GNG2: variants seen among roughly 807,000 people sequenced by gnomAD.
GNG2 encodes G protein subunit gamma 2, also known as guanine nucleotide-binding protein G(I)/G(S)/G(O) subunit gamma-2.
GNG2 carries 5 observed loss-of-function variants against 5.5 expected under a neutral mutation model. The observed-to-expected ratio is 0.91, with a 90% confidence interval of 0.48 to 1.92. The LOEUF (loss-of-function observed/expected upper bound fraction) is 1.92. Ranked by LOEUF, GNG2 falls within the 30% of genes most tolerant of loss-of-function variation. The pLI, the probability that GNG2 is intolerant of heterozygous loss-of-function variation, is 0.01. For synonymous variants in GNG2, 28 were observed against 32.0 expected, an observed-to-expected ratio of 0.88 and a Z score of 0.42; for missense variants, 55 against 88.4, an observed-to-expected ratio of 0.62 and a Z score of 1.52.
intron 2 of GNG2, among the ~76,000 whole-genome samples, chr14:51,929,198 G>A: frequency 6.6e-6 from 1 of 152,190 alleles, no homozygotes; most frequent in East Asian, 1.9e-4. Context: ...AGTCACCTCA[G>A]TTAAAGGGCC....
intron 2 of GNG2, among the ~76,000 whole-genome samples, chr14:51,839,147 C>T (rs750451933): frequency 2.0e-5 from 3 of 152,152 alleles, no homozygotes; most frequent in Non-Finnish European, 4.4e-5. Context: ...TAAGAACACA[C>T]CTGTGACACA....
At chr14:51,875,646 G>A (rs918252799) in intron 1 of GNG2, among the ~76,000 whole-genome samples, 2 of 151,062 alleles carry the variant, frequency 1.3e-5, no homozygotes, top group African/African-American at 4.9e-5. Context: ...CTTATATTAT[G>A]TATATAATAC....
intron 2 of GNG2, among the ~76,000 whole-genome samples, chr14:51,882,125 A>G (rs1884118890): frequency 6.6e-6 from 1 of 152,210 alleles, no homozygotes; most frequent in African/African-American, 2.4e-5. Flanking sequence ...AAGGATCAAA[A>G]TAACTACTTA....
In GNG2 at chr14:51,921,306, G is replaced by A. The variant is rs575079260; in HGVS notation, c.-29-29344G>A. Among the ~76,000 whole-genome samples the A allele has an allele frequency of 2.6e-5, 4 of 152,266 alleles. No individual in the cohort carries two copies. The East Asian group carries it at 7.7e-4, about 29-fold the overall frequency. On this transcript the variant is annotated intron_variant, in intron 2 of 3. Transcript: ENST00000556766. Reference sequence around the variant, plus strand: ...GTGAATTAATCTAGTAAAGTACTTAGGGCCTGCATTATGGTATGTAAGAAG... The same window carrying A: ...GTGAATTAATCTAGTAAAGTACTTAAGGCCTGCATTATGGTATGTAAGAAG...
intron 2 of GNG2, among the ~76,000 whole-genome samples, chr14:51,932,775 A>G (rs35238426): frequency 0.34 from 52,147 of 152,016 alleles, 10,713 homozygotes; most frequent in Non-Finnish European, 0.46. Context: ...ATAAATCTCT[A>G]AAGTATCGGG....
In GNG2 at chr14:51,921,209, C is replaced by G. The variant is rs181560886; in HGVS notation, c.-29-29441C>G. ...TGACTAAGTACATTTCTTAACTTCT[C>G]TGTGCCTCCCGTTCCAAAACTGTAA... is the stretch of plus-strand genomic sequence containing the variant. On this transcript the variant is annotated intron_variant, in intron 2 of 3. Coordinates refer to ENST00000556766, the MANE Select transcript of GNG2 (RefSeq NM_053064.5). Among the ~76,000 whole-genome samples, 1,032 of 152,310 alleles carry G rather than the reference C, an allele frequency of 6.8e-3. 18 individuals carry two copies. The highest frequency in any genetic ancestry group is 0.024 in the African/African-American group (981 of 41,572).
Position 51,873,189 on chromosome 14 carries a change from C to T in GNG2, c.-70-4428C>T, listed in dbSNP as rs117673507. 2.3e-3 allele frequency among the ~76,000 whole-genome samples: 343 copies of T among 152,230 alleles called. 1 individual carries two copies. The highest frequency in any genetic ancestry group is 0.014 in the Middle Eastern group (4 of 294). On this transcript the variant is annotated intron_variant, in intron 1 of 3. Coordinates refer to ENST00000556766, the MANE Select transcript of GNG2 (RefSeq NM_053064.5). ...TTTGATGAGTCTCTCTTCATCACAC[C>T]AGTTATGATACTAGGCACAAGATAT...
At chr14:51,898,711 C>A (rs1227583217) in intron 2 of GNG2, among the ~76,000 whole-genome samples, 1 of 152,246 alleles carries the variant, frequency 6.6e-6, no homozygotes, top group African/African-American at 2.4e-5. Context: ...AACGTTCCAA[C>A]CTCTGAGATG....
chr14:51,899,297 C>G (rs1476688239), intron 2 of GNG2, among the ~76,000 whole-genome samples: 1 of 152,196 alleles, frequency 6.6e-6, no homozygotes, highest in African/African-American at 2.4e-5. Context: ...ACTGATGCCA[C>G]AGTCTCTGAG....
chr14:51,837,062 T>C (rs1277677654), intron 2 of GNG2, among the ~76,000 whole-genome samples: 1 of 151,982 alleles, frequency 6.6e-6, no homozygotes, highest in Non-Finnish European at 1.5e-5. Context: ...CTTCACCATG[T>C]TGGCCAGGCT....
chr14:51,924,524 C>G (rs1340546449), intron 2 of GNG2, among the ~76,000 whole-genome samples: 2 of 152,132 alleles, frequency 1.3e-5, no homozygotes, highest in Admixed American at 1.3e-4. Flanking sequence ...TACAGCAGGT[C>G]AGAGGCAAGA....
intron 1 of GNG2, among the ~76,000 whole-genome samples, chr14:51,868,301 C>A (rs565082409): frequency 6.6e-6 from 1 of 152,240 alleles, no homozygotes; most frequent in South Asian, 2.1e-4. Flanking sequence ...TCTAACTGCA[C>A]ATTAGAAATC....
At position 51,925,128 on chromosome 14, in the gene GNG2, A is replaced by AC. The variant is rs1481559692; in HGVS notation, c.-29-25521dup. Among the ~76,000 whole-genome samples, 7 of 152,348 alleles carry AC rather than the reference A, an allele frequency of 4.6e-5. No individual in the cohort carries two copies. The East Asian group carries it at 1.3e-3, about 29-fold the overall frequency. ...TACAAGAGAGGATTTTTGAATGTTC[A>AC]CAATGCAAAGAAATGATAAACGTTT... On this transcript the variant is annotated intron_variant, in intron 2 of 3. Coordinates refer to ENST00000556766, the MANE Select transcript of GNG2 (RefSeq NM_053064.5).
chr14:51,915,838 C>T (rs989075744), intron 2 of GNG2, among the ~76,000 whole-genome samples: 9 of 152,208 alleles, frequency 5.9e-5, no homozygotes, highest in Admixed American at 5.9e-4. Context: ...AGCTGCTGTA[C>T]TCTGTTCCCA....
chr14:51,917,952 G>T (rs1222135559), intron 2 of GNG2, among the ~76,000 whole-genome samples: 2 of 150,812 alleles, frequency 1.3e-5, no homozygotes, highest in Non-Finnish European at 2.9e-5. Context: ...CTTGAACTTG[G>T]AAAGTGGAGG....
intron 2 of GNG2, among the ~76,000 whole-genome samples, chr14:51,840,637 G>C (rs965676938): frequency 6.6e-6 from 1 of 152,174 alleles, no homozygotes; most frequent in African/African-American, 2.4e-5. Flanking sequence ...TATTTCCTGA[G>C]GTAGAGTGTA....
chr14:51,963,494 T>C (rs1253661), intron 3 of GNG2, among the ~76,000 whole-genome samples: 140,584 of 152,254 alleles, frequency 0.92, 65,436 homozygotes, highest in Non-Finnish European at 0.98. Context: ...GAAGAAAGAA[T>C]GAAGAAAAAA....
chr14:51,848,987 C>A (rs1376695020), intron 2 of GNG2, among the ~76,000 whole-genome samples: 3 of 152,158 alleles, frequency 2.0e-5, no homozygotes, highest in Non-Finnish European at 4.4e-5. Context: ...AACAAATGAT[C>A]CCCAAAACAG....
At chr14:51,910,553 C>G (rs746042815) in intron 2 of GNG2, among the ~76,000 whole-genome samples, 1 of 152,140 alleles carries the variant, frequency 6.6e-6, no homozygotes, top group Non-Finnish European at 1.5e-5. Flanking sequence ...CAGGAGGTCT[C>G]AAGACTCTAT....
Sources: allele counts gnomAD v4.1 joint callset (sites outside exome capture counted in the v4.1 genomes callset), GRCh38; gene constraint gnomAD v4.1.1; transcripts MANE v1.5; gene names NCBI Gene and HGNC (gene_info 2026-07-23, HGNC 2026-07-21).